The following FARS2 variants were observed in gnomAD, a reference collection of about 807,000 sequenced individuals.
FARS2 encodes phenylalanyl-tRNA synthetase 2, mitochondrial, also known as phenylalanine--tRNA ligase, mitochondrial.
A neutral mutation model predicts 46.4 loss-of-function variants in FARS2; 40 were observed. That is an observed-to-expected ratio of 0.86 (90% CI 0.67 to 1.12). The LOEUF is 1.12. FARS2 is among the 50% of genes most tolerant of loss of function. FARS2 has a pLI of 0.00. For missense variants in FARS2, 513 were observed against 567.9 expected (o/e 0.90, Z 0.98); for synonymous variants, 234 against 214.9 (o/e 1.09, Z -0.78).
intron 4 of FARS2, among the ~76,000 whole-genome samples, chr6:5,491,354 A>G (rs1035541942): frequency 6.6e-6 from 1 of 152,198 alleles, no homozygotes; most frequent in African/African-American, 2.4e-5. Context: ...AATCCTTACC[A>G]GATGCAGCTA....
chr6:5,336,160 A>G (rs926863290), intron 1 of FARS2, among the ~76,000 whole-genome samples: 1 of 152,018 alleles, frequency 6.6e-6, no homozygotes, highest in Non-Finnish European at 1.5e-5. Context: ...ATTGTGTTTT[A>G]TTTTTATTTT....
intron 6 of FARS2, among the ~76,000 whole-genome samples, chr6:5,707,750 C>G (rs1482748530): frequency 2.6e-5 from 4 of 152,218 alleles, no homozygotes; most frequent in African/African-American, 9.7e-5. Context: ...CACGTCCTTC[C>G]GTCCACGTGT....
chr6:5,322,922 C>T (rs528712734), intron 1 of FARS2, among the ~76,000 whole-genome samples: 16 of 152,232 alleles, frequency 1.1e-4, no homozygotes, highest in East Asian at 7.7e-4. Context: ...TTGATCAATG[C>T]GTGGATTCTT....
chr6:5,318,804 T>C (rs1010482328), intron 1 of FARS2, among the ~76,000 whole-genome samples: 1 of 152,116 alleles, frequency 6.6e-6, no homozygotes, highest in African/African-American at 2.4e-5. Flanking sequence ...ACCAGTCTGA[T>C]TGGTTGCAGG....
At chr6:5,519,788 A>G (rs1769020729) in intron 4 of FARS2, among the ~76,000 whole-genome samples, 1 of 152,242 alleles carries the variant, frequency 6.6e-6, no homozygotes, top group Admixed American at 6.5e-5. Flanking sequence ...TGTAGATACC[A>G]TCATGATGTT....
At chr6:5,460,631 T>G (rs577196458) in intron 4 of FARS2, among the ~76,000 whole-genome samples, 3 of 152,294 alleles carry the variant, frequency 2.0e-5, no homozygotes, top group Non-Finnish European at 2.9e-5. Flanking sequence ...CTGCTGTAGC[T>G]GCAGTCCAAG....
chr6:5,644,495 C>T (rs1226269261), intron 6 of FARS2, among the ~76,000 whole-genome samples: 2 of 152,040 alleles, frequency 1.3e-5, no homozygotes, highest in East Asian at 3.9e-4. Flanking sequence ...TTACAAGAGT[C>T]AGCCACCGTG....
intron 6 of FARS2, among the ~76,000 whole-genome samples, chr6:5,737,218 A>C (rs1322250274): frequency 6.6e-6 from 1 of 152,208 alleles, no homozygotes; most frequent in Non-Finnish European, 1.5e-5. Context: ...TGGGGGAAAC[A>C]AGAAATAGAA....
At position 5,706,679 on chromosome 6, in the gene FARS2, C is replaced by T. The variant is rs566830577; in HGVS notation, c.1218-64612C>T. 1.2e-4 allele frequency among the ~76,000 whole-genome samples: 18 copies of T among 152,312 alleles called. No individual in the cohort carries two copies. The South Asian group carries it at 2.9e-3, about 25-fold the overall frequency. The stretch of plus-strand genomic sequence containing the variant: ...GCTGCTACCCCAAGCAAGCCAGCTG[C>T]GAATCACTGGCCATGTTTTAACTTT... On this transcript the variant is annotated intron_variant, in intron 6 of 6. Transcript: ENST00000274680.
chr6:5,374,298 CA>C (rs1360072914), intron 2 of FARS2, among the ~76,000 whole-genome samples: 6 of 151,968 alleles, frequency 3.9e-5, no homozygotes, highest in Non-Finnish European at 7.4e-5. Flanking sequence ...GTCAGTCAGT[CA>C]AAAACATTGG....
chr6:5,630,963 T>C lies in FARS2; in HGVS notation c.1217+17643T>C, dbSNP rs1776265380. Among the ~76,000 whole-genome samples the C allele has an allele frequency of 1.3e-5, 2 of 152,218 alleles. No individual in the cohort carries two copies. Among genetic ancestry groups the C allele is most frequent in the African/African-American group, 4.8e-5 (2 of 41,464 alleles). ...TTGCATTTACTTCCCCTCAGTTTTG[T>C]ATGGCAGGGGAATCTGTTCACCTGC... On this transcript the variant is annotated intron_variant, in intron 6 of 6. Coordinates refer to ENST00000274680, the MANE Select transcript of FARS2 (RefSeq NM_006567.5). This position sits in a 1 kb window ranked among gnomAD's most constrained non-coding sequence, Gnocchi z 4.2.
intron 1 of FARS2, among the ~76,000 whole-genome samples, chr6:5,364,606 G>C (rs376585367): frequency 2.9e-4 from 44 of 152,236 alleles, no homozygotes; most frequent in African/African-American, 9.4e-4. Context: ...AGACCAGAGA[G>C]TGAGTATTTA....
chr6:5,600,298 G>T (rs1774436293), intron 5 of FARS2, among the ~76,000 whole-genome samples: 1 of 152,304 alleles, frequency 6.6e-6, no homozygotes, highest in East Asian at 1.9e-4. Flanking sequence ...AATTTAGAGG[G>T]ATGTTTAGAA....
chr6:5,731,016 C>T (rs1248501561), intron 6 of FARS2, among the ~76,000 whole-genome samples: 1 of 152,180 alleles, frequency 6.6e-6, no homozygotes, highest in Admixed American at 6.5e-5. Flanking sequence ...CTAATGACTA[C>T]ACGCTCATTT....
intron 5 of FARS2, among the ~76,000 whole-genome samples, chr6:5,584,726 A>C (rs1037425026): frequency 1.3e-5 from 2 of 152,156 alleles, no homozygotes; most frequent in African/African-American, 4.8e-5. Flanking sequence ...ATAGCGTTTA[A>C]TGAAGAGGTC....
chr6:5,548,293 A>G (rs531716499), intron 5 of FARS2, among the ~76,000 whole-genome samples: 1 of 152,348 alleles, frequency 6.6e-6, no homozygotes, highest in East Asian at 1.9e-4. Flanking sequence ...AAGGACAGGT[A>G]TGATTTTTAT....
intron 2 of FARS2, among the ~76,000 whole-genome samples, chr6:5,391,469 A>G (rs562500869): frequency 7.2e-5 from 11 of 152,342 alleles, no homozygotes; most frequent in African/African-American, 2.6e-4. Context: ...AGTGTGTTAT[A>G]GGATCATGTT....
chr6:5,610,450 A>G (rs1424777308), intron 5 of FARS2, among the ~76,000 whole-genome samples: 1 of 152,248 alleles, frequency 6.6e-6, no homozygotes, highest in Non-Finnish European at 1.5e-5. Context: ...CAATTTAAAA[A>G]TACAACAATA....
At chr6:5,267,370 G>C (rs760956087) in intron 1 of FARS2, among the ~76,000 whole-genome samples, 7 of 152,030 alleles carry the variant, frequency 4.6e-5, no homozygotes, top group Non-Finnish European at 7.4e-5. Flanking sequence ...AGGATGATTT[G>C]TTAATCAAAC....
Sources: gnomAD v4.1 joint callset for allele counts (sites outside exome capture counted in the v4.1 genomes callset) on GRCh38, gnomAD v4.1.1 for gene constraint, Gnocchi (gnomAD v3.1) non-coding constraint, MANE v1.5 for transcripts, NCBI Gene and HGNC (gene_info 2026-07-23, HGNC 2026-07-21) for gene names.